The following SPAG17 variants were observed in gnomAD, a reference collection of about 807,000 sequenced individuals.
SPAG17 encodes sperm-associated antigen 17.
In SPAG17, 169 loss-of-function variants were observed where a neutral mutation model predicts 273.6. That is an observed-to-expected ratio of 0.62 (90% CI 0.55 to 0.70). SPAG17 has a LOEUF of 0.70. Ranked by LOEUF, SPAG17 falls within the 30% of genes least tolerant of loss-of-function variation. The pLI, the probability that SPAG17 is intolerant of heterozygous loss-of-function variation, is 0.00. For missense variants in SPAG17, 2,557 were observed against 2,627.8 expected (o/e 0.97, Z 0.59); for synonymous variants, 825 against 873.2 (o/e 0.94, Z 0.97).
chr1:118,101,853 C>A lies in SPAG17; in HGVS notation c.521G>T (p.Ser174Ile), dbSNP rs752747604. 6.2e-7 allele frequency: 1 copy of A among 1,614,000 alleles called. No individual in the cohort carries two copies. The highest frequency in any genetic ancestry group is 8.5e-7 in the Non-Finnish European group (1 of 1,179,958). Reference protein sequence around the residue: ...AKSPKEKKAPSAKPAKGKGKD... With the variant: ...AKSPKEKKAPIAKPAKGKGKD... The stretch of plus-strand genomic sequence containing the variant: ...TCCCTTTCCTTTGGCAGGCTTGGCA[C>A]TTGGAGCCTTTTTCTCCTTGGGAGA... Residue 174 changes from serine (S) to isoleucine (I), a missense_variant, in exon 5 of 49, where the codon AGT becomes ATT. Physicochemically the swap from Ser to Ile is moderately radical, Grantham distance 142 (BLOSUM62 -2). Coordinates refer to ENST00000336338, the MANE Select transcript of SPAG17 (RefSeq NM_206996.4).
At chr1:118,157,346 G>A (rs2102363500) in intron 1 of SPAG17, among the ~76,000 whole-genome samples, 1 of 152,244 alleles carries the variant, frequency 6.6e-6, no homozygotes, top group Non-Finnish European at 1.5e-5. Flanking sequence ...CTGCAGCAAT[G>A]CGCTATGTGG....
chr1:118,033,614 AT>A (rs1648733173), intron 24 of SPAG17, among the ~76,000 whole-genome samples: 1 of 152,336 alleles, frequency 6.6e-6, no homozygotes, highest in African/African-American at 2.4e-5. Flanking sequence ...AAAGTAAAAT[AT>A]GATCATGTCA....
At chr1:118,034,559 C>T (rs138518376) in intron 24 of SPAG17, among the ~76,000 whole-genome samples, 3 of 152,314 alleles carry the variant, frequency 2.0e-5, no homozygotes, top group South Asian at 2.1e-4. Flanking sequence ...CAAGTAACAC[C>T]TCTATGCTGT....
At chr1:118,031,615 G>T in intron 25 of SPAG17, 77 bp downstream of exon 25, 1 of 1,425,914 alleles carries the variant, frequency 7.0e-7, no homozygotes, top group South Asian at 1.3e-5. Context: ...TAACACTATT[G>T]ACATAAGTCA....
Position 117,988,009 on chromosome 1 carries a change from T to G in SPAG17, c.5621+96A>C, listed in dbSNP as rs1262842529. ...GGGAGATGAAGGGCTGTGAATTCAT[T>G]GATGTAGTCACCAAAAGTTATAGCA... On this transcript the variant is annotated intron_variant, in intron 39 of 48. Transcript: ENST00000336338. 20 of 1,412,396 alleles carry G rather than the reference T, an allele frequency of 1.4e-5. No individual in the cohort carries two copies. In the East Asian group the frequency reaches 4.8e-4, roughly 34 times the overall value. 87.5% of individuals were successfully genotyped at this position (1,412,396 alleles called of 1,614,324 possible).
intron 18 of SPAG17, among the ~76,000 whole-genome samples, chr1:118,062,080 A>C (rs1652358526): frequency 6.6e-6 from 1 of 151,916 alleles, no homozygotes; most frequent in Non-Finnish European, 1.5e-5. Context: ...ATAATATTAA[A>C]GAAAAGGCCG....
intron 31 of SPAG17, among the ~76,000 whole-genome samples, chr1:118,007,450 G>A (rs544769665): frequency 3.3e-4 from 50 of 152,294 alleles, no homozygotes; most frequent in Non-Finnish European, 4.0e-4. Flanking sequence ...GTCCTTTTAA[G>A]GCTAAAGGAA....
At chr1:117,970,160 C>T (rs1459639757) in intron 45 of SPAG17, 44 bp from the exon 46 acceptor site, 1 of 1,572,094 alleles carries the variant, frequency 6.4e-7, no homozygotes, top group South Asian at 1.1e-5. Flanking sequence ...CATAATGAAA[C>T]CCATGAGCAA....
intron 3 of SPAG17, among the ~76,000 whole-genome samples, chr1:118,116,380 T>A (rs1199666196): frequency 1.3e-5 from 2 of 152,204 alleles, no homozygotes; most frequent in Non-Finnish European, 2.9e-5. Flanking sequence ...TATTTATTTA[T>A]AACCTTGGGA....
At chr1:118,114,879 C>A (rs1358501569) in intron 4 of SPAG17, among the ~76,000 whole-genome samples, 1 of 152,106 alleles carries the variant, frequency 6.6e-6, no homozygotes, top group East Asian at 1.9e-4. Context: ...TATGAAGGTG[C>A]AGATATGCCT....
chr1:118,148,381 G>A (rs1023380212), intron 3 of SPAG17, among the ~76,000 whole-genome samples: 6 of 152,150 alleles, frequency 3.9e-5, no homozygotes, highest in East Asian at 3.9e-4. Flanking sequence ...TCCACACTCG[G>A]CAAGGGTACA....
chr1:117,957,211 C>T (rs909018643), intron 48 of SPAG17: 1 of 1,606,088 alleles, frequency 6.2e-7, no homozygotes, highest in Non-Finnish European at 8.5e-7. Flanking sequence ...CATCCTTTTC[C>T]AAAGAATACC....
In SPAG17 at chr1:118,129,190, G is replaced by A. The variant is rs544607650; in HGVS notation, c.316-13749C>T. Among the ~76,000 whole-genome samples the A allele has an allele frequency of 3.9e-5, 6 of 152,344 alleles. No individual in the cohort carries two copies. The East Asian group carries it at 9.6e-4, about 24-fold the overall frequency. On this transcript the variant is annotated intron_variant, in intron 3 of 48. Transcript: ENST00000336338. The stretch of plus-strand genomic sequence containing the variant: ...CCTTGAAGCCTGCCTGGACTTCTAC[G>A]TCTGCATGCCAGTACATTTCCTAAT...
rs182328910 is a variant in SPAG17, at chr1:117,958,703, T to C, written c.*1-4654A>G. 4.7e-4 allele frequency among the ~76,000 whole-genome samples: 72 copies of C among 151,772 alleles called. 2 individuals are homozygous for C. The East Asian group carries it at 0.012, about 26-fold the overall frequency. On this transcript the variant is annotated intron_variant, in intron 48 of 48. Coordinates refer to ENST00000336338, the MANE Select transcript of SPAG17 (RefSeq NM_206996.4). ...AATGAGTTGAATGTGTCATAAGGTT[T>C]AGGACAGTATTTTTTAAGTTGTCAT... is the stretch of plus-strand genomic sequence containing the variant.
chr1:118,061,304 A>C (rs2102028421), intron 18 of SPAG17, among the ~76,000 whole-genome samples: 1 of 152,348 alleles, frequency 6.6e-6, no homozygotes, highest in Non-Finnish European at 1.5e-5. Context: ...AAACAACCTA[A>C]GTATCTGATG....
chr1:118,008,299 C>T, intron 30 of SPAG17, 101 bp from the exon 31 acceptor site: 2 of 1,370,254 alleles, frequency 1.5e-6, no homozygotes, highest in Non-Finnish European at 2.0e-6. Context: ...TGTCTGGATT[C>T]CCCATGGAAA....
At chr1:118,143,849 C>G (rs1445641216) in intron 3 of SPAG17, among the ~76,000 whole-genome samples, 1 of 152,130 alleles carries the variant, frequency 6.6e-6, no homozygotes, top group East Asian at 1.9e-4. Context: ...TCACTTTATT[C>G]TTGTGGCTGG....
intron 34 of SPAG17, 132 bp downstream of exon 34, chr1:117,996,230 TTTCTGCTC>T (rs1459766579): frequency 5.0e-5 from 46 of 927,602 alleles, no homozygotes; most frequent in Non-Finnish European, 6.9e-5. Context: ...TGTCAACTTA[TTTCTGCTC>T]TACTTTCCAA....
chr1:118,091,894 T>C lies in SPAG17; in HGVS notation c.1246+36A>G, dbSNP rs764797451. ...CATTATCTCTTAAAGTGCCAGCTCA[T>C]GGTGTTGATCCTCCAGCAGCCGATT... On this transcript the variant is annotated intron_variant, in intron 9 of 48. Transcript: ENST00000336338. 2.5e-6 allele frequency: 4 copies of C among 1,602,018 alleles called. No homozygotes were observed. In the East Asian group the frequency reaches 6.7e-5, roughly 27 times the overall value.
Sources: allele counts gnomAD v4.1 joint callset (sites outside exome capture counted in the v4.1 genomes callset), GRCh38; gene constraint gnomAD v4.1.1; transcripts MANE v1.5; gene names NCBI Gene and HGNC (gene_info 2026-07-23, HGNC 2026-07-21).